SLC1A5: variants seen among roughly 807,000 people sequenced by gnomAD.
SLC1A5 encodes the protein solute carrier family 1 member 5.
In SLC1A5, 25 loss-of-function variants were observed where a neutral mutation model predicts 34.9. That is an observed-to-expected ratio of 0.72 (90% confidence interval 0.52 to 1.00). The LOEUF (loss-of-function observed/expected upper bound fraction) is 1.00. Among genes scored for constraint, SLC1A5 ranks in the 50% least tolerant of loss-of-function variants. The pLI, the probability that SLC1A5 is intolerant of heterozygous loss-of-function variation, is 0.00. For missense variants in SLC1A5, 637 were observed against 740.0 expected (o/e 0.86, Z 1.61); for synonymous variants, 351 against 341.2 (o/e 1.03, Z -0.32).
intron 4 of SLC1A5, among the ~76,000 whole-genome samples, chr19:46,781,452 G>A (rs2055145485): frequency 6.6e-6 from 1 of 152,130 alleles, no homozygotes; most frequent in Admixed American, 6.6e-5. Flanking sequence ...TACAAAATTA[G>A]CCGGGCATGG....
intron 5 of SLC1A5, among the ~76,000 whole-genome samples, chr19:46,778,141 A>G (rs1162109869): frequency 1.3e-5 from 2 of 152,110 alleles, no homozygotes; most frequent in East Asian, 1.9e-4. Flanking sequence ...AGAACTTAAG[A>G]GCCCCCCAGG....
intron 4 of SLC1A5, among the ~76,000 whole-genome samples, chr19:46,779,292 C>T (rs1644340): frequency 6.6e-6 from 1 of 151,970 alleles, no homozygotes; most frequent in Non-Finnish European, 1.5e-5. Context: ...GGCGTGGTGG[C>T]GCATGCCTGC....
rs1487205031 is a variant in SLC1A5, at chr19:46,784,991, G to C, written c.567-432C>G. On this transcript the variant is annotated intron_variant, in intron 1 of 7. Transcript: ENST00000542575. ...GGGTGTGTTGGGAGGCGGTGGCGGG[G>C]AGGGAGAAAAGGGACGGCTTCATAT... 1.2e-5 allele frequency: 8 copies of C among 662,526 alleles called. No homozygotes were observed. In the Admixed American group the frequency reaches 1.4e-4, roughly 12 times the overall value. 41.0% of individuals were successfully genotyped at this position (662,526 alleles called of 1,614,324 possible).
intron 2 of SLC1A5, 114 bp downstream of exon 2, chr19:46,784,403 C>T: frequency 8.3e-7 from 1 of 1,208,826 alleles, no homozygotes; most frequent in South Asian, 1.3e-5. Flanking sequence ...AGCCCGTATT[C>T]TCATTGACAT....
In SLC1A5 at chr19:46,787,456, G is replaced by A. The variant is rs762902774; in HGVS notation, c.510C>T (p.Gly170=). The change falls in exon 1 of 8, where the codon GGC becomes GGT. Residue 170 remains glycine, a synonymous_variant. Coordinates refer to ENST00000542575, the MANE Select transcript of SLC1A5 (RefSeq NM_005628.3). This position sits in a 1 kb window ranked among gnomAD's most constrained non-coding sequence, Gnocchi z 5.2. ...AAINASVGAA[G]SAENAPSKEV... Reference sequence around the variant, plus strand: ...CCTTGCTGGGGGCATTTTCGGCACTGCCCGCGGCTCCCACGGAGGCGTTGA... The same window carrying A: ...CCTTGCTGGGGGCATTTTCGGCACTACCCGCGGCTCCCACGGAGGCGTTGA... 12 of 1,599,708 alleles carry A rather than the reference G, an allele frequency of 7.5e-6. No individual in the cohort carries two copies. The highest frequency in any genetic ancestry group is 1.3e-5 in the African/African-American group (1 of 74,834).
intron 2 of SLC1A5, 21 bp from the exon 3 acceptor site, chr19:46,784,165 AG>A: frequency 6.2e-7 from 1 of 1,600,712 alleles, no homozygotes; most frequent in Non-Finnish European, 8.6e-7. Context: ...GGTTGGGAAG[AG>A]TCAGTGTCCA....
intron 3 of SLC1A5, 24 bp from the exon 4 acceptor site, chr19:46,782,573 G>C (rs778533144): frequency 1.2e-6 from 2 of 1,613,164 alleles, no homozygotes; most frequent in South Asian, 2.2e-5. Context: ...ACAGATCGGG[G>C]TGGAAAGGAC....
At position 46,784,891 on chromosome 19, in the gene SLC1A5, T is replaced by C. The variant is rs971171621; in HGVS notation, c.567-332A>G. 3.1e-6 allele frequency: 4 copies of C among 1,302,686 alleles called. No individual in the cohort carries two copies. In the African/African-American group the frequency reaches 6.0e-5, roughly 20 times the overall value. 80.7% of individuals were successfully genotyped at this position (1,302,686 alleles called of 1,614,324 possible). A position where few individuals can be genotyped will look rare whatever the true frequency, so the allele number is the denominator to read the frequency against. On this transcript the variant is annotated intron_variant, in intron 1 of 7. Transcript: ENST00000542575. ...GCTCCACCCCATGCAGCAAACTTAA[T>C]ACCCTGGACAGCTTGCATCAGCCAC...
chr19:46,784,827 C>T (rs1250705339), intron 1 of SLC1A5: 5 of 1,414,806 alleles, frequency 3.5e-6, no homozygotes, highest in East Asian at 5.1e-5. Context: ...GGAATGCTGG[C>T]CTCCCACGGC....
intron 3 of SLC1A5, among the ~76,000 whole-genome samples, chr19:46,783,190 A>G (rs189736643): frequency 1.3e-5 from 2 of 152,286 alleles, no homozygotes; most frequent in East Asian, 3.9e-4. Context: ...CGGGCGGAGC[A>G]CGGTGGCTCA....
At chr19:46,782,097 T>A (rs1409732287) in intron 4 of SLC1A5, among the ~76,000 whole-genome samples, 1 of 152,122 alleles carries the variant, frequency 6.6e-6, no homozygotes, top group Non-Finnish European at 1.5e-5. Flanking sequence ...GGTTTCACCA[T>A]GTTGGCCAGG....
chr19:46,782,345 A>AACCCCCCCCCCCCCCCCCCCCCCAG, intron 4 of SLC1A5, 38 bp downstream of exon 4: 1 of 292,428 alleles, frequency 3.4e-6, no homozygotes. Flanking sequence ...CCGACCCTCC[A>AACCCCCCCCCCCCCCCCCCCCCCAG]ACCCCACCCA....
chr19:46,777,925 G>T (rs1158892310), intron 5 of SLC1A5, among the ~76,000 whole-genome samples: 2 of 151,772 alleles, frequency 1.3e-5, no homozygotes, highest in Non-Finnish European at 2.9e-5. Context: ...CAAAATCCAT[G>T]AGTCCTGGAA....
chr19:46,784,909 T>G, intron 1 of SLC1A5: 1 of 1,257,370 alleles, frequency 8.0e-7, no homozygotes, highest in East Asian at 3.3e-5. Flanking sequence ...ACAGCTTGCA[T>G]CAGCCACTTC....
chr19:46,777,799 A>C (rs1284362455), intron 5 of SLC1A5, among the ~76,000 whole-genome samples: 2 of 148,098 alleles, frequency 1.4e-5, no homozygotes, highest in Non-Finnish European at 3.0e-5. Context: ...CCCCACATCT[A>C]ACCTAGACCC....
Position 46,778,703 on chromosome 19 carries a change from G to A in SLC1A5, c.1030C>T (p.Leu344=), listed in dbSNP as rs1352379787. 7.1e-7 allele frequency: 1 copy of A among 1,400,336 alleles called. No individual in the cohort carries two copies. The highest frequency in any genetic ancestry group is 4.0e-5 in the East Asian group (1 of 25,042). 86.7% of individuals were successfully genotyped at this position (1,400,336 alleles called of 1,614,324 possible). ...YRFLWGIVTP[L]ATAFGTSSSS... is the part of the protein sequence containing the mutation. ...GAAGAGGTCCCAAAGGCAGTGGCCA[G>A]CGGCGTCACGATGCCCCACAGGAAG... is the stretch of plus-strand genomic sequence containing the variant. The change falls in exon 5 of 8, where the codon CTG becomes TTG. Residue 344 remains leucine (L), a synonymous_variant. Transcript: ENST00000542575.
chr19:46,781,585 C>G (rs543724339), intron 4 of SLC1A5, among the ~76,000 whole-genome samples: 1 of 152,070 alleles, frequency 6.6e-6, no homozygotes, highest in Non-Finnish European at 1.5e-5. Context: ...GCAACAAGAA[C>G]GAAACTCCAT....
intron 6 of SLC1A5, 32 bp downstream of exon 6, chr19:46,777,179 G>A (rs776456628): frequency 1.2e-5 from 20 of 1,601,206 alleles, no homozygotes; most frequent in Non-Finnish European, 1.6e-5. Context: ...ACAGGGGTCC[G>A]GGGGTCCCAT....
rs757820917 is a variant in SLC1A5 at position 46,784,106 on chromosome 19, G to A, written c.648C>T (p.Thr216=). The A allele has an allele frequency of 1.2e-6, 2 of 1,613,306 alleles. No individual in the cohort carries two copies. Among genetic ancestry groups the A allele is most frequent in the Non-Finnish European group, 1.7e-6 (2 of 1,179,356 alleles). The change falls in exon 3 of 8, where the codon ACC becomes ACT. Residue 216 remains threonine, a synonymous_variant. Coordinates refer to ENST00000542575, the MANE Select transcript of SLC1A5 (RefSeq NM_005628.3). ...TTYEERNITG[T]RVKVPVGQEV... Reference sequence around the variant, plus strand: ...CTCCCACTGCTCTCACCTTCACCCTGGTTCCGGTGATATTCCTCTCTTCAT... The same window carrying A: ...CTCCCACTGCTCTCACCTTCACCCTAGTTCCGGTGATATTCCTCTCTTCAT...
Sources: gnomAD v4.1 joint callset for allele counts (sites outside exome capture counted in the v4.1 genomes callset) on GRCh38, gnomAD v4.1.1 for gene constraint, Gnocchi (gnomAD v3.1) non-coding constraint, MANE v1.5 for transcripts, NCBI Gene and HGNC (gene_info 2026-07-23, HGNC 2026-07-21) for gene names.